The following GRIA4 variants were observed in gnomAD, a reference collection of about 807,000 sequenced individuals.
The protein encoded by GRIA4 is glutamate receptor 4.
In GRIA4, 34 loss-of-function variants were observed where a neutral mutation model predicts 104.0. The observed-to-expected ratio is 0.33, with a 90% confidence interval of 0.25 to 0.44. The LOEUF (loss-of-function observed/expected upper bound fraction) is 0.44, where lower values mean the gene tolerates loss of function less well. Among genes scored for constraint, GRIA4 ranks in the 20% least tolerant of loss-of-function variants. The pLI is 1.00. For missense variants in GRIA4, 750 were observed against 1,096.5 expected, an observed-to-expected ratio of 0.68 and a Z score of 4.46; for synonymous variants, 386 against 381.9, an observed-to-expected ratio of 1.01 and a Z score of -0.13.
chr11:105,976,539 G>T (rs1858991371), intron 16 of GRIA4, among the ~76,000 whole-genome samples: 1 of 151,894 alleles, frequency 6.6e-6, no homozygotes, highest in Non-Finnish European at 1.5e-5. Flanking sequence ...GTGGCATTTG[G>T]GATAAATGAA....
At chr11:105,919,515 G>C (rs1022002561) in intron 11 of GRIA4, among the ~76,000 whole-genome samples, 2 of 152,066 alleles carry the variant, frequency 1.3e-5, no homozygotes, top group Non-Finnish European at 2.9e-5. Context: ...AAACACAAAA[G>C]CCAGAATTTA....
intron 3 of GRIA4, among the ~76,000 whole-genome samples, chr11:105,648,445 T>C (rs185693067): frequency 1.1e-3 from 173 of 151,522 alleles, no homozygotes; most frequent in African/African-American, 3.6e-3. Flanking sequence ...AAATAATGCT[T>C]TTTATAGTAT....
At chr11:105,842,904 G>A (rs1336479505) in intron 4 of GRIA4, 1 of 152,168 alleles carries the variant, frequency 6.6e-6, no homozygotes, top group African/African-American at 2.4e-5. Context: ...CCAAATTTTT[G>A]AATGACCTGT....
chr11:105,758,747 A>G (rs999395776), intron 4 of GRIA4, among the ~76,000 whole-genome samples: 1 of 152,218 alleles, frequency 6.6e-6, no homozygotes, highest in African/African-American at 2.4e-5. Flanking sequence ...ATGTTATAAC[A>G]GGTATTGTAT....
intron 3 of GRIA4, among the ~76,000 whole-genome samples, chr11:105,638,074 T>C (rs1006260479): frequency 4.6e-5 from 7 of 152,224 alleles, no homozygotes; most frequent in African/African-American, 1.7e-4. Flanking sequence ...AATGTCACAG[T>C]GTTACCTGAT....
At chr11:105,836,997 C>T (rs902295817) in intron 4 of GRIA4, among the ~76,000 whole-genome samples, 2 of 152,138 alleles carry the variant, frequency 1.3e-5, no homozygotes, top group Admixed American at 1.3e-4. Context: ...GATTGACTCA[C>T]AGCTCTGCAT....
chr11:105,686,165 G>A (rs1010739993), intron 3 of GRIA4, among the ~76,000 whole-genome samples: 1 of 152,108 alleles, frequency 6.6e-6, no homozygotes, highest in African/African-American at 2.4e-5. Context: ...GAATAAGCAT[G>A]TTGCCCAGGT....
At chr11:105,614,493 A>G (rs1452673929) in intron 3 of GRIA4, 1 of 151,992 alleles carries the variant, frequency 6.6e-6, no homozygotes, top group African/African-American at 2.4e-5. Context: ...GTAGAAAAAA[A>G]TATGAAACGT....
intron 9 of GRIA4, among the ~76,000 whole-genome samples, chr11:105,909,293 A>G (rs920446015): frequency 6.6e-6 from 1 of 152,224 alleles, no homozygotes; most frequent in Admixed American, 6.5e-5. Context: ...CTTCCAAAAC[A>G]TATTAGAACA....
At chr11:105,670,391 C>A (rs1414606537) in intron 3 of GRIA4, among the ~76,000 whole-genome samples, 1 of 152,040 alleles carries the variant, frequency 6.6e-6, no homozygotes, top group Non-Finnish European at 1.5e-5. Context: ...AAAACAGAGG[C>A]CCTGGGAAAG....
chr11:105,974,037 G>A (rs969881002), intron 15 of GRIA4, among the ~76,000 whole-genome samples: 2 of 152,000 alleles, frequency 1.3e-5, no homozygotes, highest in African/African-American at 4.8e-5. Flanking sequence ...TAAGTATAAT[G>A]GTTTTCATTG....
intron 14 of GRIA4, among the ~76,000 whole-genome samples, chr11:105,952,283 G>A (rs1442082651): frequency 1.3e-5 from 2 of 152,138 alleles, no homozygotes; most frequent in Non-Finnish European, 2.9e-5. Flanking sequence ...GGTTTTGTAA[G>A]TTTTTGCATT....
chr11:105,637,018 T>C (rs934078096), intron 3 of GRIA4, among the ~76,000 whole-genome samples: 2 of 152,210 alleles, frequency 1.3e-5, no homozygotes, highest in African/African-American at 4.8e-5. Flanking sequence ...GTGATATTGT[T>C]AATCTAAAAT....
intron 4 of GRIA4, among the ~76,000 whole-genome samples, chr11:105,815,111 A>G (rs1050855648): frequency 1.3e-5 from 2 of 152,200 alleles, no homozygotes; most frequent in East Asian, 3.9e-4. Flanking sequence ...ATTGAGAGAT[A>G]GAGTGACAGA....
chr11:105,959,648 G>C (rs1948684407), intron 14 of GRIA4, among the ~76,000 whole-genome samples: 1 of 152,188 alleles, frequency 6.6e-6, no homozygotes. Context: ...CCTTTATGGA[G>C]AGACGTTGTG....
At chr11:105,714,004 T>C (rs1289580487) in intron 3 of GRIA4, among the ~76,000 whole-genome samples, 1 of 152,074 alleles carries the variant, frequency 6.6e-6, no homozygotes, top group Non-Finnish European at 1.5e-5. Context: ...CTACTAAACT[T>C]AGAGACGCTT....
chr11:105,710,306 T>C (rs1953865831), intron 3 of GRIA4, among the ~76,000 whole-genome samples: 1 of 152,070 alleles, frequency 6.6e-6, no homozygotes. Flanking sequence ...TCATAGGCTA[T>C]CTCTTTGTAG....
intron 3 of GRIA4, among the ~76,000 whole-genome samples, chr11:105,722,562 G>A (rs192301837): frequency 4.7e-4 from 72 of 152,076 alleles, no homozygotes; most frequent in Non-Finnish European, 7.8e-4. Flanking sequence ...GTTCCTTAAA[G>A]GTTGTACCAA....
Position 105,908,095 on chromosome 11 carries a change from G to A in GRIA4, c.1159-2340G>A, listed in dbSNP as rs1414068105. On this transcript the variant is annotated intron_variant, in intron 9 of 16. Coordinates refer to ENST00000282499, the MANE Select transcript of GRIA4 (RefSeq NM_000829.4). ...AAGGAACCAACTTTGAGTAGAACAG[G>A]AGCTCCTCACAGCCGCTCAGTCCCT... is the stretch of plus-strand genomic sequence containing the variant. 1.3e-5 allele frequency among the ~76,000 whole-genome samples: 2 copies of A among 152,106 alleles called. 1 individual carries two copies.
Sources: gnomAD v4.1 joint callset for allele counts (sites outside exome capture counted in the v4.1 genomes callset) on GRCh38, gnomAD v4.1.1 for gene constraint, MANE v1.5 for transcripts, NCBI Gene and HGNC (gene_info 2026-07-23, HGNC 2026-07-21) for gene names.